DOCK10: variants seen among roughly 807,000 people sequenced by gnomAD.
DOCK10 encodes dedicator of cytokinesis protein 10.
Under a neutral mutation model 280.1 loss-of-function variants are expected in DOCK10, and 145 were observed. The observed-to-expected ratio is 0.52, with a 90% CI of 0.45 to 0.59. The LOEUF (loss-of-function observed/expected upper bound fraction) is 0.59, where lower values mean the gene tolerates loss of function less well. DOCK10 is among the 20% of genes least tolerant of loss of function. The pLI is 0.00. For synonymous variants in DOCK10, 915 were observed against 942.2 expected, an observed-to-expected ratio of 0.97 and a Z score of 0.53; for missense variants, 2,368 against 2,651.7, an observed-to-expected ratio of 0.89 and a Z score of 2.35.
At chr2:225,023,943 G>T (rs1689850870) in intron 1 of DOCK10, among the ~76,000 whole-genome samples, 2 of 152,178 alleles carry the variant, frequency 1.3e-5, no homozygotes. Context: ...GGAGCAATCT[G>T]CAGACACTTT....
chr2:225,014,037 G>A (rs1401164301), intron 1 of DOCK10, among the ~76,000 whole-genome samples: 3 of 144,576 alleles, frequency 2.1e-5, no homozygotes, highest in African/African-American at 7.6e-5. Context: ...CCATGATTTA[G>A]AAATTCAAAA....
In DOCK10 at chr2:224,834,236, C is replaced by T. The variant is rs1235420916; in HGVS notation, c.2878G>A (p.Glu960Lys). The T allele has an allele frequency of 1.2e-6, 2 of 1,611,690 alleles. No individual in the cohort carries two copies. Among genetic ancestry groups the T allele is most frequent in the Non-Finnish European group, 1.7e-6 (2 of 1,178,058 alleles). Residue 960 changes from glutamate (E) to lysine (K), a missense_variant, in exon 26 of 56, where the codon GAG (glutamate) becomes AAG (lysine). By Grantham distance (56) the Glu-to-Lys change is moderately conservative. Transcript: ENST00000258390. ...GCCAGTTCCTCATGTACAGTCCTCT[C>T]CTTGCATGCCCTGGTCTTGAACACG... ...KFVFKTRACK[E>K]RTVHEELAKN...
intron 3 of DOCK10, among the ~76,000 whole-genome samples, chr2:224,899,083 T>A (rs1700149159): frequency 6.6e-6 from 1 of 152,184 alleles, no homozygotes; most frequent in Non-Finnish European, 1.5e-5. Flanking sequence ...TGAAACAAAA[T>A]CCATTTTAAA....
chr2:224,917,246 C>A (rs1369806722), intron 2 of DOCK10, among the ~76,000 whole-genome samples: 1 of 151,662 alleles, frequency 6.6e-6, no homozygotes, highest in Non-Finnish European at 1.5e-5. Flanking sequence ...GCTGGGATTA[C>A]AGGTGCCCAC....
intron 1 of DOCK10, among the ~76,000 whole-genome samples, chr2:224,933,360 T>G (rs1702507627): frequency 6.6e-6 from 1 of 152,238 alleles, no homozygotes. Flanking sequence ...ATGTTTGGTT[T>G]GCCACCCACA....
chr2:225,010,870 G>A (rs1689413987), intron 1 of DOCK10, among the ~76,000 whole-genome samples: 1 of 152,102 alleles, frequency 6.6e-6, no homozygotes, highest in South Asian at 2.1e-4. Flanking sequence ...GAAGCTAAAC[G>A]GCACAGCAAG....
chr2:225,001,972 G>A (rs1195597754), intron 1 of DOCK10, among the ~76,000 whole-genome samples: 1 of 152,186 alleles, frequency 6.6e-6, no homozygotes, highest in African/African-American at 2.4e-5. Flanking sequence ...TTCAACATGT[G>A]AATCTGGGGG....
At chr2:224,971,070 T>A (rs1705056108) in intron 1 of DOCK10, among the ~76,000 whole-genome samples, 1 of 152,248 alleles carries the variant, frequency 6.6e-6, no homozygotes, top group Non-Finnish European at 1.5e-5. Context: ...TTTACCTGTT[T>A]GGGCCTGGAT....
chr2:224,787,960 A>C (rs1691849509), intron 48 of DOCK10, among the ~76,000 whole-genome samples: 1 of 151,884 alleles, frequency 6.6e-6, no homozygotes, highest in Admixed American at 6.6e-5. Context: ...TGACCTCCAT[A>C]CTTTTATCTG....
At chr2:224,946,958 G>T in intron 1 of DOCK10, 1 of 1,536,796 alleles carries the variant, frequency 6.5e-7, no homozygotes, top group South Asian at 1.2e-5. Flanking sequence ...TCATCGTATT[G>T]CTATAATTTG....
intron 2 of DOCK10, 105 bp downstream of exon 2, chr2:224,931,444 G>T: frequency 1.6e-6 from 2 of 1,257,246 alleles, no homozygotes; most frequent in Non-Finnish European, 2.1e-6. Flanking sequence ...CTGAGATGTA[G>T]GGTGGCCACA....
At chr2:224,867,761 A>C (rs1698025614) in intron 11 of DOCK10, among the ~76,000 whole-genome samples, 1 of 152,196 alleles carries the variant, frequency 6.6e-6, no homozygotes, top group Non-Finnish European at 1.5e-5. Flanking sequence ...TTTGAGAAAC[A>C]TTAAGGAAGT....
chr2:224,979,392 C>A (rs1025304913), intron 1 of DOCK10, among the ~76,000 whole-genome samples: 1 of 152,350 alleles, frequency 6.6e-6, no homozygotes, highest in South Asian at 2.1e-4. Flanking sequence ...GACATTCTGG[C>A]TCCATGGCCC....
At chr2:224,927,771 G>A (rs1263164535) in intron 2 of DOCK10, among the ~76,000 whole-genome samples, 2 of 152,156 alleles carry the variant, frequency 1.3e-5, no homozygotes, top group African/African-American at 2.4e-5. Flanking sequence ...TCAGCAGCTC[G>A]TGGGTGCTGA....
chr2:225,008,557 T>A (rs79873024), intron 1 of DOCK10, among the ~76,000 whole-genome samples: 9,524 of 152,296 alleles, frequency 0.063, 362 homozygotes, highest in Middle Eastern at 0.12. Context: ...GGTAACTACC[T>A]ACATTTCCTT....
chr2:224,876,325 G>C, intron 7 of DOCK10, 104 bp from the exon 8 acceptor site: 1 of 1,013,732 alleles, frequency 9.9e-7, no homozygotes, highest in Non-Finnish European at 1.4e-6. Context: ...TTTCCATACA[G>C]ATAGATAACA....
chr2:224,850,920 C>T (rs1696687584), intron 18 of DOCK10, among the ~76,000 whole-genome samples: 1 of 152,152 alleles, frequency 6.6e-6, no homozygotes, highest in South Asian at 2.1e-4. Flanking sequence ...TTATAAATTA[C>T]CCAGTCTCGG....
At chr2:224,997,896 G>C (rs1706318922) in intron 1 of DOCK10, among the ~76,000 whole-genome samples, 1 of 152,196 alleles carries the variant, frequency 6.6e-6, no homozygotes. Context: ...GGCTCGAAGA[G>C]AGCCTTAAAG....
intron 1 of DOCK10, among the ~76,000 whole-genome samples, chr2:225,031,711 C>T (rs1354774127): frequency 6.6e-6 from 1 of 152,202 alleles, no homozygotes; most frequent in Non-Finnish European, 1.5e-5. Context: ...CGGCCTGGCA[C>T]AGACCTTAAG....
Sources: gnomAD v4.1 joint callset for allele counts (sites outside exome capture counted in the v4.1 genomes callset) on GRCh38, gnomAD v4.1.1 for gene constraint, MANE v1.5 for transcripts, NCBI Gene and HGNC (gene_info 2026-07-23, HGNC 2026-07-21) for gene names.